NELL1: variants seen among roughly 807,000 people sequenced by gnomAD.
NELL1 encodes protein kinase C-binding protein NELL1.
In NELL1, 76 loss-of-function variants were observed where a neutral mutation model predicts 107.4. That is an observed-to-expected ratio of 0.71 (90% CI 0.59 to 0.86). NELL1 has a LOEUF of 0.86. Among genes scored for constraint, NELL1 ranks in the 40% least tolerant of loss-of-function variants. The pLI is 0.00. For synonymous variants in NELL1, 353 were observed against 341.2 expected (o/e 1.03, Z -0.38); for missense variants, 1,024 against 1,005.5 (o/e 1.02, Z -0.25).
intron 2 of NELL1, among the ~76,000 whole-genome samples, chr11:20,730,939 T>C (rs991827039): frequency 3.9e-5 from 6 of 152,210 alleles, no homozygotes. Flanking sequence ...ATGTCTTGAA[T>C]AATTTTGACT....
chr11:21,562,114 G>T (rs1027021451), intron 17 of NELL1, among the ~76,000 whole-genome samples: 1 of 152,030 alleles, frequency 6.6e-6, no homozygotes, highest in African/African-American at 2.4e-5. Context: ...GTCTTGATTA[G>T]TATGAGAGTA....
intron 12 of NELL1, among the ~76,000 whole-genome samples, chr11:21,085,533 G>A (rs565692478): frequency 6.6e-5 from 10 of 152,174 alleles, no homozygotes; most frequent in African/African-American, 2.4e-4. Context: ...CTACTCAGAA[G>A]GCTCAGGTAG....
chr11:21,288,755 A>C (rs537363063), intron 14 of NELL1, among the ~76,000 whole-genome samples: 9 of 152,320 alleles, frequency 5.9e-5, no homozygotes, highest in African/African-American at 1.9e-4. Context: ...ATTTGTCATG[A>C]TTATGTAGAT....
chr11:20,905,132 G>C (rs963795341), intron 5 of NELL1, among the ~76,000 whole-genome samples: 1 of 151,396 alleles, frequency 6.6e-6, no homozygotes, highest in Non-Finnish European at 1.5e-5. Flanking sequence ...GAGCCACCTT[G>C]CCTGGCCCAA....
chr11:21,288,918 C>T (rs539176233), intron 14 of NELL1, among the ~76,000 whole-genome samples: 9 of 152,246 alleles, frequency 5.9e-5, no homozygotes, highest in African/African-American at 2.2e-4. Flanking sequence ...GTATTTTGAT[C>T]TCCTCACAGC....
chr11:20,695,328 G>A, intron 2 of NELL1, among the ~76,000 whole-genome samples: 1 of 152,058 alleles, frequency 6.6e-6, no homozygotes, highest in East Asian at 1.9e-4. Flanking sequence ...TTCCAGTACT[G>A]TGTTGAATAG....
intron 6 of NELL1, among the ~76,000 whole-genome samples, 166 bp downstream of exon 6, chr11:20,918,420 A>G (rs1850305059): frequency 6.6e-6 from 1 of 151,958 alleles, no homozygotes; most frequent in Non-Finnish European, 1.5e-5. Flanking sequence ...TGTGTCTTTA[A>G]AAAAATATGT....
intron 14 of NELL1, among the ~76,000 whole-genome samples, chr11:21,238,198 T>C (rs1359628014): frequency 2.0e-5 from 3 of 152,078 alleles, no homozygotes; most frequent in Non-Finnish European, 4.4e-5. Flanking sequence ...GATTTCTCTC[T>C]CTCAGATTTG....
At chr11:21,057,840 A>G (rs1031543990) in intron 12 of NELL1, among the ~76,000 whole-genome samples, 2 of 152,084 alleles carry the variant, frequency 1.3e-5, no homozygotes, top group Admixed American at 6.6e-5. Context: ...ACCATAAATT[A>G]GTTTTATGCT....
chr11:21,089,140 CAAG>C (rs1854466009), intron 12 of NELL1, among the ~76,000 whole-genome samples: 1 of 152,132 alleles, frequency 6.6e-6, no homozygotes, highest in African/African-American at 2.4e-5. Context: ...AAGGCTAAGA[CAAG>C]AATTACTTAT....
chr11:20,739,135 C>G (rs1167170823), intron 2 of NELL1, among the ~76,000 whole-genome samples: 2 of 152,360 alleles, frequency 1.3e-5, no homozygotes, highest in African/African-American at 4.8e-5. Context: ...TTGGACAGCA[C>G]AGCTGTCCTT....
chr11:20,788,636 C>T (rs745486860), intron 3 of NELL1, among the ~76,000 whole-genome samples: 48 of 150,624 alleles, frequency 3.2e-4, no homozygotes, highest in Non-Finnish European at 2.4e-4. Flanking sequence ...ATTCTGTGGG[C>T]GATCTTTTCA....
chr11:21,294,213 C>A (rs1418071932), intron 14 of NELL1, among the ~76,000 whole-genome samples: 3 of 152,132 alleles, frequency 2.0e-5, no homozygotes, highest in African/African-American at 7.2e-5. Context: ...AGCTTCACTA[C>A]CTGCCACTTC....
intron 2 of NELL1, among the ~76,000 whole-genome samples, chr11:20,698,719 C>G (rs966728526): frequency 1.3e-5 from 2 of 152,096 alleles, no homozygotes; most frequent in Admixed American, 1.3e-4. Flanking sequence ...GTGGTGCTTT[C>G]TGAGATTTTG....
intron 19 of NELL1, among the ~76,000 whole-genome samples, chr11:21,574,264 T>TC (rs1857171216): frequency 6.6e-6 from 1 of 151,688 alleles, no homozygotes; most frequent in Non-Finnish European, 1.5e-5. Context: ...ATTTTTTTTT[T>TC]CTGGGAAAGT....
chr11:21,060,458 G>C (rs1214434706), intron 12 of NELL1, among the ~76,000 whole-genome samples: 1 of 152,004 alleles, frequency 6.6e-6, no homozygotes, highest in Non-Finnish European at 1.5e-5. Flanking sequence ...TTATTATGGG[G>C]GATTGTCTTT....
intron 14 of NELL1, among the ~76,000 whole-genome samples, chr11:21,234,604 G>T (rs1159062673): frequency 6.6e-6 from 1 of 152,190 alleles, no homozygotes; most frequent in Non-Finnish European, 1.5e-5. Context: ...GAACATAGGT[G>T]AAATCTTTAT....
At chr11:21,211,597 T>C (rs1288495451) in intron 13 of NELL1, among the ~76,000 whole-genome samples, 1 of 152,024 alleles carries the variant, frequency 6.6e-6, no homozygotes, top group Non-Finnish European at 1.5e-5. Context: ...ATGGGGAATG[T>C]GAGGAGATGC....
chr11:20,911,585 G>A (rs1850132877), intron 5 of NELL1, among the ~76,000 whole-genome samples: 1 of 152,198 alleles, frequency 6.6e-6, no homozygotes, highest in African/African-American at 2.4e-5. Flanking sequence ...GGTACACCAA[G>A]TACCATCAGG....
Sources: gnomAD v4.1 joint callset for allele counts (sites outside exome capture counted in the v4.1 genomes callset) on GRCh38, gnomAD v4.1.1 for gene constraint, MANE v1.5 for transcripts, NCBI Gene and HGNC (gene_info 2026-07-23, HGNC 2026-07-21) for gene names.